PPP1R3E: variants seen among roughly 807,000 people sequenced by gnomAD.
PPP1R3E encodes protein phosphatase 1, regulatory (inhibitor) subunit 3E.
Under a neutral mutation model 18.5 loss-of-function variants are expected in PPP1R3E, and 20 were observed. The ratio of observed to expected loss-of-function variants is 1.08; its 90% confidence interval spans 0.76 to 1.58. The LOEUF (loss-of-function observed/expected upper bound fraction) is 1.58. Among genes scored for constraint, PPP1R3E ranks in the 40% most tolerant of loss-of-function variants. The pLI is 0.00. For missense variants in PPP1R3E, 498 were observed against 460.2 expected, an observed-to-expected ratio of 1.08 and a Z score of -0.75; for synonymous variants, 208 against 208.1, an observed-to-expected ratio of 1.00 and a Z score of 0.00.
Position 23,298,020 on chromosome 14 carries a change from G to A in PPP1R3E, c.*1284C>T, listed in dbSNP as rs972699825. 3 of 152,332 alleles carry A rather than the reference G, an allele frequency of 2.0e-5. No homozygotes were observed. The highest frequency in any genetic ancestry group is 7.2e-5 in the African/African-American group (3 of 41,422). The allele number at this position is 152,332 out of a possible 1,614,324, so 9.4% of individuals were successfully genotyped here. On this transcript the variant is annotated 3_prime_UTR_variant, in exon 5 of 5. Coordinates refer to ENST00000452015, the MANE Select transcript of PPP1R3E (RefSeq NM_001276318.2). ...CCTGTTCAAGGCCAGTGGGGGAAGA[G>A]GGAGGGAGGTGGCACACCAACAGGT...
Position 23,301,421 on chromosome 14 carries a change from C to G in PPP1R3E, c.*15G>C. ...GCCTTTGGTGTTTTCCGCCGTCGGC[C>G]GCAGGCGCCTCGTCTCAGATAAAGT... is the stretch of plus-strand genomic sequence containing the variant. On this transcript the variant is annotated 3_prime_UTR_variant, in exon 2 of 5. Coordinates refer to ENST00000452015, the MANE Select transcript of PPP1R3E (RefSeq NM_001276318.2). The G allele has an allele frequency of 7.3e-7, 1 of 1,371,548 alleles. No individual in the cohort carries two copies. The highest frequency in any genetic ancestry group is 9.4e-7 in the Non-Finnish European group (1 of 1,059,696). 85.0% of individuals were successfully genotyped at this position (1,371,548 alleles called of 1,614,324 possible).
In PPP1R3E at chr14:23,302,507, G is replaced by C; in HGVS notation, c.70C>G (p.Arg24Gly). The C allele has an allele frequency of 6.7e-7, 1 of 1,503,530 alleles. No individual in the cohort carries two copies. 93.1% of individuals were successfully genotyped at this position (1,503,530 alleles called of 1,614,324 possible). The change falls in exon 1 of 5, where the codon CGC (arginine) becomes GGC (glycine). Residue 24 changes from arginine to glycine, a missense_variant. By Grantham distance (125) the Arg-to-Gly change is moderately radical. Transcript: ENST00000452015. ...NLSFIAALTERAYYRSQRPSL... is the reference protein window; with the variant it reads ...NLSFIAALTEGAYYRSQRPSL... Reference sequence around the variant, plus strand: ...GGCCGCTGGCTACGGTAGTAGGCGCGCTCCGTTAGCGCGGCGATGAAGCTC... The same window carrying C: ...GGCCGCTGGCTACGGTAGTAGGCGCCCTCCGTTAGCGCGGCGATGAAGCTC...
At position 23,298,864 on chromosome 14, in the gene PPP1R3E, C is replaced by A. The variant is rs1297632421; in HGVS notation, c.*440G>T. 6.5e-6 allele frequency: 1 copy of A among 154,388 alleles called. No homozygotes were observed. Among genetic ancestry groups the A allele is most frequent in the Non-Finnish European group, 1.5e-5 (1 of 68,224 alleles). 9.6% of individuals were successfully genotyped at this position (154,388 alleles called of 1,614,324 possible). ...TGATGTTTAAATGGGCATTTGTTTG[C>A]GGAATGACTTGGAGAGTTCCTCTCT... is the stretch of plus-strand genomic sequence containing the variant. On this transcript the variant is annotated 3_prime_UTR_variant, in exon 5 of 5. Transcript: ENST00000452015.
rs1215766331 is a variant in PPP1R3E at position 23,300,769 on chromosome 14, C to T, written c.*234G>A. On this transcript the variant is annotated 3_prime_UTR_variant, in exon 3 of 5. Coordinates refer to ENST00000452015, the MANE Select transcript of PPP1R3E (RefSeq NM_001276318.2). The stretch of plus-strand genomic sequence containing the variant: ...GCTCTGATAGCTACCTGTCATCACT[C>T]CCCAGCCAGTCCGCGGACACCGCAG... 6.6e-6 allele frequency: 1 copy of T among 152,250 alleles called. No individual in the cohort carries two copies. Among genetic ancestry groups the T allele is most frequent in the East Asian group, 1.9e-4 (1 of 5,190 alleles). The allele number at this position is 152,250 out of a possible 1,614,324, so 9.4% of individuals were successfully genotyped here. A position where few individuals can be genotyped will look rare whatever the true frequency, so the allele number is the denominator to read the frequency against.
In PPP1R3E at chr14:23,302,217, C is replaced by T. The variant is rs1566459012; in HGVS notation, c.360G>A (p.Leu120=). The change falls in exon 1 of 5, where the codon TTG becomes TTA. Residue 120 remains leucine (L), a synonymous_variant. Transcript: ENST00000452015. ...PRVPRHVQIQ[L]QRDALRHFAP... ...CGAAGTGGCGGAGGGCGTCCCTCTG[C>T]AATTGGATCTGCACGTGGCGGGGCA... 4.7e-6 allele frequency: 7 copies of T among 1,487,428 alleles called. No individual in the cohort carries two copies. Among genetic ancestry groups the T allele is most frequent in the Non-Finnish European group, 5.3e-6 (6 of 1,127,430 alleles). The allele number at this position is 1,487,428 out of a possible 1,614,324, so 92.1% of individuals were successfully genotyped here. A position where few individuals can be genotyped will look rare whatever the true frequency, so the allele number is the denominator to read the frequency against.
Position 23,301,561 on chromosome 14 carries a change from G to T in PPP1R3E, c.715C>A (p.Arg239Ser), listed in dbSNP as rs1289436094. The T allele has an allele frequency of 6.7e-7, 1 of 1,482,608 alleles. No homozygotes were observed. Among genetic ancestry groups the T allele is most frequent in the Non-Finnish European group, 8.9e-7 (1 of 1,119,794 alleles). 91.8% of individuals were successfully genotyped at this position (1,482,608 alleles called of 1,614,324 possible). ...PIGGALLFAL[R>S]YRVTGHEFWD... ...AACTCGTGACCTGTCACACGGTAGC[G>T]CAAGGCGAAGAGCAGGGCGCCCCCA... The change falls in exon 2 of 5, where the codon CGC becomes AGC. Residue 239 changes from arginine to serine, a missense_variant. Coordinates refer to ENST00000452015, the MANE Select transcript of PPP1R3E (RefSeq NM_001276318.2).
At chr14:23,299,913 G>GT (rs1244010225) in intron 3 of PPP1R3E, among the ~76,000 whole-genome samples, 3 of 46,160 alleles carry the variant, frequency 6.5e-5, no homozygotes, top group Admixed American at 2.5e-4. Flanking sequence ...TTGCTTTGGT[G>GT]TTTTTTTGTT....
In PPP1R3E at chr14:23,296,714, T is replaced by C. The variant is rs888290946; in HGVS notation, c.*2590A>G. The C allele has an allele frequency of 1.3e-5, 2 of 152,264 alleles. No individual in the cohort carries two copies. Among genetic ancestry groups the C allele is most frequent in the Non-Finnish European group, 2.9e-5 (2 of 68,078 alleles). The allele number at this position is 152,264 out of a possible 1,614,324, so 9.4% of individuals were successfully genotyped here. On this transcript the variant is annotated 3_prime_UTR_variant, in exon 5 of 5. Transcript: ENST00000452015. ...CCTGAGTTTAAGTCCCATCTTGAGC[T>C]GCACTAACAAATTCTATGACCCTGC...
Position 23,302,254 on chromosome 14 carries a change from T to A in PPP1R3E, c.323A>T (p.Glu108Val). The A allele has an allele frequency of 6.6e-7, 1 of 1,519,374 alleles. No individual in the cohort carries two copies. Among genetic ancestry groups the A allele is most frequent in the Non-Finnish European group, 8.8e-7 (1 of 1,141,274 alleles). 94.1% of individuals were successfully genotyped at this position (1,519,374 alleles called of 1,614,324 possible). The change falls in exon 1 of 5, where the codon GAG becomes GTG. Residue 108 changes from glutamate to valine, a missense_variant. Physicochemically the swap from Glu to Val is moderately radical, Grantham distance 121. Coordinates refer to ENST00000452015, the MANE Select transcript of PPP1R3E (RefSeq NM_001276318.2). ...CACGTGGCGGGGCACCCGGGGCAGC[T>A]CACCGGGACGGAAGCGGCGCACGAC... is the stretch of plus-strand genomic sequence containing the variant. ...LAVVRRFRPG[E>V]LPRVPRHVQI...
At position 23,301,877 on chromosome 14, in the gene PPP1R3E, G is replaced by C. The variant is rs765396697; in HGVS notation, c.418-19C>G. Reference sequence around the variant, plus strand: ...GCGCCTCCTGGGGGAAAGAAGAAGCGGGAGGAGGGAGCCCAGGGCGGAGAG... The same window carrying C: ...GCGCCTCCTGGGGGAAAGAAGAAGCCGGAGGAGGGAGCCCAGGGCGGAGAG... On this transcript the variant is annotated intron_variant, in intron 1 of 4. Transcript: ENST00000452015. 3.2e-5 allele frequency: 46 copies of C among 1,421,092 alleles called. No individual in the cohort carries two copies. The South Asian group carries it at 6.0e-4, about 19-fold the overall frequency. The allele number at this position is 1,421,092 out of a possible 1,614,324, so 88.0% of individuals were successfully genotyped here.
rs1039379000 is a variant in PPP1R3E, at chr14:23,301,571, G to A, written c.705C>T (p.Leu235=). ...CTGTCACACGGTAGCGCAAGGCGAA[G>A]AGCAGGGCGCCCCCAATCGGCGGCG... is the stretch of plus-strand genomic sequence containing the variant. ...LPAPPIGGAL[L]FALRYRVTGH... Residue 235 remains leucine (L), a synonymous_variant, in exon 2 of 5, where the codon CTC becomes CTT. Coordinates refer to ENST00000452015, the MANE Select transcript of PPP1R3E (RefSeq NM_001276318.2). The A allele has an allele frequency of 6.8e-7, 1 of 1,469,824 alleles. No individual in the cohort carries two copies. Among genetic ancestry groups the A allele is most frequent in the Non-Finnish European group, 9.0e-7 (1 of 1,113,950 alleles). 91.0% of individuals were successfully genotyped at this position (1,469,824 alleles called of 1,614,324 possible).
chr14:23,301,853 C>G lies in PPP1R3E; in HGVS notation c.423G>C (p.Ala141=). 1 of 1,437,410 alleles carries G rather than the reference C, an allele frequency of 7.0e-7. No homozygotes were observed. The allele number at this position is 1,437,410 out of a possible 1,614,324, so 89.0% of individuals were successfully genotyped here. A position where few individuals can be genotyped will look rare whatever the true frequency, so the allele number is the denominator to read the frequency against. ...CQPRARGLQE[A]RAALEPASEP... ...CGCTGGCCGGCTCCAGGGCGGCGCG[C>G]GCCTCCTGGGGGAAAGAAGAAGCGG... The change falls in exon 2 of 5, where the codon GCG becomes GCC. Residue 141 remains alanine, a synonymous_variant. Coordinates refer to ENST00000452015, the MANE Select transcript of PPP1R3E (RefSeq NM_001276318.2).
At position 23,301,865 on chromosome 14, in the gene PPP1R3E, GA is replaced by G; in HGVS notation, c.418-8del. On this transcript the variant is annotated splice_region_variant and splice_polypyrimidine_tract_variant and intron_variant, in intron 1 of 4. Coordinates refer to ENST00000452015, the MANE Select transcript of PPP1R3E (RefSeq NM_001276318.2). ...CCAGGGCGGCGCGCGCCTCCTGGGGGAAAGAAGAAGCGGGAGGAGGGAGCCC... is the reference window on the plus strand; with the variant it reads ...CCAGGGCGGCGCGCGCCTCCTGGGGGAAGAAGAAGCGGGAGGAGGGAGCCC... The G allele has an allele frequency of 7.0e-7, 1 of 1,426,756 alleles. No homozygotes were observed. Among genetic ancestry groups the G allele is most frequent in the African/African-American group, 1.5e-5 (1 of 66,228 alleles). The allele number at this position is 1,426,756 out of a possible 1,614,324, so 88.4% of individuals were successfully genotyped here.
Position 23,296,671 on chromosome 14 carries a change from G to C in PPP1R3E, c.*2633C>G, listed in dbSNP as rs1379999749. ...AGCAGAGACCTGTTTCCTAGCCTGGGAATGGGTGATCAGGAGGCCTGAGTT... is the reference window on the plus strand; with the variant it reads ...AGCAGAGACCTGTTTCCTAGCCTGGCAATGGGTGATCAGGAGGCCTGAGTT... On this transcript the variant is annotated 3_prime_UTR_variant, in exon 5 of 5. Transcript: ENST00000452015. 2.0e-5 allele frequency: 3 copies of C among 152,212 alleles called. No individual in the cohort carries two copies. The allele number at this position is 152,212 out of a possible 1,614,324, so 9.4% of individuals were successfully genotyped here. A position where few individuals can be genotyped will look rare whatever the true frequency, so the allele number is the denominator to read the frequency against.
chr14:23,300,594 G>A (rs1260136248), intron 3 of PPP1R3E, 164 bp downstream of exon 3: 3 of 152,228 alleles, frequency 2.0e-5, no homozygotes, highest in South Asian at 2.1e-4. Flanking sequence ...GTGCTTGGAG[G>A]TTATTAAAAG....
Position 23,296,995 on chromosome 14 carries a change from G to A in PPP1R3E, c.*2309C>T, listed in dbSNP as rs1566456809. 6.6e-6 allele frequency: 1 copy of A among 152,184 alleles called. No homozygotes were observed. Among genetic ancestry groups the A allele is most frequent in the South Asian group, 2.1e-4 (1 of 4,824 alleles). 9.4% of individuals were successfully genotyped at this position (152,184 alleles called of 1,614,324 possible). A position where few individuals can be genotyped will look rare whatever the true frequency, so the allele number is the denominator to read the frequency against. Reference sequence around the variant, plus strand: ...ACAAACAAACAAAAAACAGGACGGAGGCTATGGGACAGGGAGGTGTAGGAA... The same window carrying A: ...ACAAACAAACAAAAAACAGGACGGAAGCTATGGGACAGGGAGGTGTAGGAA... On this transcript the variant is annotated 3_prime_UTR_variant, in exon 5 of 5. Transcript: ENST00000452015.
Position 23,299,927 on chromosome 14 carries a change from G to GGTTT in PPP1R3E, c.*246-387_*246-386insAAAC, listed in dbSNP as rs1410560258. ...GTTGCTTTGGTGTTTTTTTGTTTTTGTTTTTTTTTTTTTTTTTTTTTTACA... is the reference window on the plus strand; with the variant it reads ...GTTGCTTTGGTGTTTTTTTGTTTTTGGTTTTTTTTTTTTTTTTTTTTTTTTTACA... On this transcript the variant is annotated intron_variant, in intron 3 of 4. Transcript: ENST00000452015. Among the ~76,000 whole-genome samples the GGTTT allele has an allele frequency of 5.2e-4, 52 of 100,770 alleles. 1 individual carries two copies. Among genetic ancestry groups the GGTTT allele is most frequent in the African/African-American group, 1.6e-3 (50 of 31,006 alleles). 66.1% of individuals were successfully genotyped at this position (100,770 alleles called of 152,430 possible).
Position 23,301,651 on chromosome 14 carries a change from C to G in PPP1R3E, c.625G>C (p.Ala209Pro). The change falls in exon 2 of 5, where the codon GCC becomes CCC. Residue 209 changes from alanine to proline, a missense_variant. Coordinates refer to ENST00000452015, the MANE Select transcript of PPP1R3E (RefSeq NM_001276318.2). ...RSQREAPAAY[A>P]GPAPPPPRAD... The stretch of plus-strand genomic sequence containing the variant: ...CGCGGCGGGGGCGGGGCCGGACCGG[C>G]GTAGGCGGCTGGCGCCTCGCGTTGG... The G allele has an allele frequency of 7.6e-7, 1 of 1,318,128 alleles. No individual in the cohort carries two copies. The highest frequency in any genetic ancestry group is 9.6e-7 in the Non-Finnish European group (1 of 1,040,730). The allele number at this position is 1,318,128 out of a possible 1,614,324, so 81.7% of individuals were successfully genotyped here. A position where few individuals can be genotyped will look rare whatever the true frequency, so the allele number is the denominator to read the frequency against.
Position 23,302,272 on chromosome 14 carries a change from C to T in PPP1R3E, c.305G>A (p.Arg102His). Residue 102 changes from arginine to histidine, a missense_variant, in exon 1 of 5, where the codon CGC becomes CAC. Physicochemically the swap from Arg to His is conservative, Grantham distance 29. Coordinates refer to ENST00000452015, the MANE Select transcript of PPP1R3E (RefSeq NM_001276318.2). ...DALGLELAVV[R>H]RFRPGELPRV... The stretch of plus-strand genomic sequence containing the variant: ...GGGCAGCTCACCGGGACGGAAGCGG[C>T]GCACGACAGCCAGCTCCAACCCCAG... 5 of 1,521,800 alleles carry T rather than the reference C, an allele frequency of 3.3e-6. No homozygotes were observed. Among genetic ancestry groups the T allele is most frequent in the Non-Finnish European group, 4.4e-6 (5 of 1,142,188 alleles). 94.3% of individuals were successfully genotyped at this position (1,521,800 alleles called of 1,614,324 possible).
Sources: gnomAD v4.1 joint callset for allele counts (sites outside exome capture counted in the v4.1 genomes callset) on GRCh38, gnomAD v4.1.1 for gene constraint, MANE v1.5 for transcripts, NCBI Gene and HGNC (gene_info 2026-07-23, HGNC 2026-07-21) for gene names.